The following FGD4 variants were observed in gnomAD, a reference collection of about 807,000 sequenced individuals.
FGD4 encodes the protein FYVE, RhoGEF and PH domain containing 4, also known as FYVE, RhoGEF and PH domain-containing protein 4.
A neutral mutation model predicts 102.0 loss-of-function variants in FGD4; 42 were observed. That is an observed-to-expected ratio of 0.41 (90% CI 0.32 to 0.53). The LOEUF is 0.53. Ranked by LOEUF, FGD4 falls within the 20% of genes least tolerant of loss-of-function variation. The pLI, the probability that FGD4 is intolerant of heterozygous loss-of-function variation, is 0.21. For missense variants in FGD4, 902 were observed against 1,078.2 expected, an observed-to-expected ratio of 0.84 and a Z score of 2.29; for synonymous variants, 380 against 375.7, an observed-to-expected ratio of 1.01 and a Z score of -0.13.
At chr12:32,624,950 T>C in intron 12 of FGD4, 26 bp from the exon 13 acceptor site, 1 of 1,584,402 alleles carries the variant, frequency 6.3e-7, no homozygotes, top group Non-Finnish European at 8.7e-7. Flanking sequence ...CTTTAATGTG[T>C]GCTTTGAATT....
intron 1 of FGD4, among the ~76,000 whole-genome samples, chr12:32,495,696 A>C (rs1937764528): frequency 1.0e-5 from 1 of 98,332 alleles, no homozygotes; most frequent in Non-Finnish European, 2.0e-5. Flanking sequence ...ACTCTGTTTC[A>C]AAAAAAAAAA....
At chr12:32,483,418 G>C (rs1943814259) in intron 1 of FGD4, among the ~76,000 whole-genome samples, 1 of 152,144 alleles carries the variant, frequency 6.6e-6, no homozygotes, top group Non-Finnish European at 1.5e-5. Context: ...ATAGTGAAAG[G>C]TTTAGTTGAT....
chr12:32,593,350 C>G (rs146383435), intron 4 of FGD4, among the ~76,000 whole-genome samples: 12 of 152,270 alleles, frequency 7.9e-5, no homozygotes, highest in Admixed American at 3.9e-4. Flanking sequence ...ATCCCAAAAT[C>G]CCTAGTAACT....
At chr12:32,406,205 G>A (rs906804457) in intron 1 of FGD4, among the ~76,000 whole-genome samples, 6 of 152,058 alleles carry the variant, frequency 3.9e-5, no homozygotes, top group African/African-American at 1.4e-4. Context: ...GCCTCCCAAA[G>A]TGTTGGGATT....
At chr12:32,560,592 T>C (rs1418353793) in intron 1 of FGD4, among the ~76,000 whole-genome samples, 1 of 152,214 alleles carries the variant, frequency 6.6e-6, no homozygotes. Context: ...CTTTCATTAC[T>C]TTTGCCTTCT....
intron 1 of FGD4, among the ~76,000 whole-genome samples, chr12:32,424,113 A>G (rs1941747390): frequency 6.6e-6 from 1 of 152,130 alleles, no homozygotes; most frequent in Non-Finnish European, 1.5e-5. Context: ...ATACATGTGC[A>G]GAACATGCAG....
intron 1 of FGD4, among the ~76,000 whole-genome samples, chr12:32,459,596 G>T (rs1408541446): frequency 6.6e-6 from 1 of 151,794 alleles, no homozygotes; most frequent in Admixed American, 6.6e-5. Context: ...TGATTCTTTT[G>T]TGCTATTCCT....
chr12:32,597,707 A>C (rs904382728), intron 4 of FGD4, among the ~76,000 whole-genome samples: 6 of 152,224 alleles, frequency 3.9e-5, no homozygotes, highest in Non-Finnish European at 7.3e-5. Context: ...TAAGGCTTAA[A>C]TAAATACATA....
At chr12:32,578,843 A>AT (rs1286270009) in intron 3 of FGD4, among the ~76,000 whole-genome samples, 4 of 151,422 alleles carry the variant, frequency 2.6e-5, no homozygotes, top group Non-Finnish European at 5.9e-5. Context: ...AAAAAAAAAA[A>AT]CATCGTAGCA....
At chr12:32,520,205 A>G (rs1028875822) in intron 1 of FGD4, among the ~76,000 whole-genome samples, 2 of 151,912 alleles carry the variant, frequency 1.3e-5, no homozygotes, top group Non-Finnish European at 1.5e-5. Flanking sequence ...GTATGGAAGT[A>G]AACTGAGATA....
intron 1 of FGD4, among the ~76,000 whole-genome samples, chr12:32,483,453 A>G (rs1165956947): frequency 6.6e-6 from 1 of 152,200 alleles, no homozygotes; most frequent in Non-Finnish European, 1.5e-5. Context: ...AAAATCTACA[A>G]TGTACAATGC....
rs1316717389 is a variant in FGD4 at position 32,448,428 on chromosome 12, C to T, written c.166+48469C>T. Reference sequence around the variant, plus strand: ...ATCCTAGCACTTTGGGAGGCTGAGGCGAGTGGATCACCTGAGGTCAGGAGT... The same window carrying T: ...ATCCTAGCACTTTGGGAGGCTGAGGTGAGTGGATCACCTGAGGTCAGGAGT... On this transcript the variant is annotated intron_variant, in intron 1 of 16. Coordinates refer to ENST00000534526, the MANE Select transcript of FGD4 (RefSeq NM_001370298.3). 5.9e-5 allele frequency among the ~76,000 whole-genome samples: 9 copies of T among 151,938 alleles called. No homozygotes were observed. In the East Asian group the frequency reaches 1.4e-3, roughly 23 times the overall value.
chr12:32,600,584 C>CTTTTTTTTTTTTTTTTTTTTTT lies in FGD4; in HGVS notation c.1102-691_1102-690insTTTTTTTTTTTTTTTTTTTTTT, dbSNP rs776556112. 13 of 267,970 alleles carry CTTTTTTTTTTTTTTTTTTTTTT rather than the reference C, an allele frequency of 4.9e-5. 1 individual carries two copies. The highest frequency in any genetic ancestry group is 2.0e-4 in the African/African-American group (5 of 25,104). The allele number at this position is 267,970 out of a possible 1,614,324, so 16.6% of individuals were successfully genotyped here. ...GTTTTTTGTTTTTCTTTCTTTCTTT[C>CTTTTTTTTTTTTTTTTTTTTTT]TTTCTTTCTTTTTTTTTTTTTTGTC... On this transcript the variant is annotated intron_variant, in intron 5 of 16. Transcript: ENST00000534526.
intron 1 of FGD4, among the ~76,000 whole-genome samples, chr12:32,503,010 TAGA>T (rs1434261007): frequency 1.3e-5 from 2 of 152,180 alleles, no homozygotes; most frequent in Admixed American, 1.3e-4. Context: ...TTGTGAGCAG[TAGA>T]AGGAGATTTG....
At chr12:32,491,248 C>T (rs1227921194) in intron 1 of FGD4, among the ~76,000 whole-genome samples, 1 of 150,128 alleles carries the variant, frequency 6.7e-6, no homozygotes, top group Non-Finnish European at 1.5e-5. Context: ...AACAATTAAA[C>T]TCTAAGTAGA....
At chr12:32,568,991 C>T (rs1186686772) in intron 2 of FGD4, among the ~76,000 whole-genome samples, 2 of 152,134 alleles carry the variant, frequency 1.3e-5, no homozygotes, top group Admixed American at 1.3e-4. Context: ...AACTGCTATT[C>T]TCCTCTCCAA....
At chr12:32,602,866 A>G (rs1486213923) in intron 7 of FGD4, among the ~76,000 whole-genome samples, 2 of 152,210 alleles carry the variant, frequency 1.3e-5, no homozygotes, top group African/African-American at 2.4e-5. Context: ...GATTCTTGGC[A>G]TGGGAATTCT....
intron 1 of FGD4, among the ~76,000 whole-genome samples, chr12:32,425,623 T>C (rs1293271216): frequency 1.3e-5 from 2 of 152,140 alleles, no homozygotes; most frequent in African/African-American, 4.8e-5. Context: ...TCAGTGGTAG[T>C]TTGATGGGGA....
intron 1 of FGD4, among the ~76,000 whole-genome samples, chr12:32,468,866 A>G (rs1347258458): frequency 2.0e-5 from 3 of 152,052 alleles, no homozygotes; most frequent in Non-Finnish European, 2.9e-5. Flanking sequence ...TCACTCTGTC[A>G]CCCAGGCTGG....
Sources: gnomAD v4.1 joint callset for allele counts (sites outside exome capture counted in the v4.1 genomes callset) on GRCh38, gnomAD v4.1.1 for gene constraint, MANE v1.5 for transcripts, NCBI Gene and HGNC (gene_info 2026-07-23, HGNC 2026-07-21) for gene names.